ATF1: variants seen among roughly 807,000 people sequenced by gnomAD.
ATF1 encodes the protein activating transcription factor 1, also known as cyclic AMP-dependent transcription factor ATF-1.
In ATF1, 16 loss-of-function variants were observed where a neutral mutation model predicts 34.7. The observed-to-expected ratio is 0.46, with a 90% CI of 0.31 to 0.70. The LOEUF (loss-of-function observed/expected upper bound fraction) is 0.70, where lower values mean the gene tolerates loss of function less well. ATF1 is among the 30% of genes least tolerant of loss of function. The probability of loss-of-function intolerance (pLI) is 0.05; values close to 1 mark genes in which losing one functional copy is unlikely to be tolerated. For missense variants in ATF1, 255 were observed against 321.6 expected (o/e 0.79, Z 1.58); for synonymous variants, 105 against 113.1 (o/e 0.93, Z 0.46).
chr12:50,805,832 C>A (rs1211373354), intron 3 of ATF1, among the ~76,000 whole-genome samples: 1 of 151,944 alleles, frequency 6.6e-6, no homozygotes, highest in Non-Finnish European at 1.5e-5. Context: ...GACTTGGTGG[C>A]CAATTATTTG....
chr12:50,786,361 G>A (rs938622147), intron 2 of ATF1, among the ~76,000 whole-genome samples: 9 of 152,196 alleles, frequency 5.9e-5, no homozygotes, highest in African/African-American at 1.7e-4. Flanking sequence ...GCAGGGCTGC[G>A]TACTAGCAGG....
intron 3 of ATF1, among the ~76,000 whole-genome samples, chr12:50,800,791 G>A (rs1941496688): frequency 6.6e-6 from 1 of 152,178 alleles, no homozygotes; most frequent in African/African-American, 2.4e-5. Context: ...AAAGGGTTGG[G>A]AACTGCTGCT....
chr12:50,808,689 C>T (rs952457180), intron 3 of ATF1, among the ~76,000 whole-genome samples: 6 of 151,468 alleles, frequency 4.0e-5, no homozygotes, highest in African/African-American at 1.2e-4. Flanking sequence ...ATAATATATG[C>T]TAAATAAAAG....
intron 2 of ATF1, among the ~76,000 whole-genome samples, chr12:50,783,351 T>C (rs776553466): frequency 1.4e-4 from 22 of 152,180 alleles, no homozygotes; most frequent in Non-Finnish European, 1.2e-4. Context: ...AGCAGTGTCT[T>C]CTCCAGATGG....
chr12:50,788,207 G>A (rs1209941758), intron 2 of ATF1: 2 of 449,036 alleles, frequency 4.5e-6, no homozygotes, highest in South Asian at 3.1e-5. Flanking sequence ...TTTTGACATA[G>A]GGTCTCACTC....
Position 50,819,783 on chromosome 12 carries a change from C to T in ATF1, c.*4C>T, listed in dbSNP as rs748511158. ...TTATTCCAATAAAAGTGTTTGATTC[C>T]TAAGAAAGAAAATATTTTTGTGGAC... is the stretch of plus-strand genomic sequence containing the variant. On this transcript the variant is annotated 3_prime_UTR_variant, in exon 7 of 7. Transcript: ENST00000262053. 6.7e-7 allele frequency: 1 copy of T among 1,503,084 alleles called. No individual in the cohort carries two copies. The highest frequency in any genetic ancestry group is 1.8e-4 in the Middle Eastern group (1 of 5,684). 93.1% of individuals were successfully genotyped at this position (1,503,084 alleles called of 1,614,324 possible).
intron 6 of ATF1, among the ~76,000 whole-genome samples, chr12:50,817,605 C>T (rs552890751): frequency 3.9e-5 from 6 of 152,104 alleles, no homozygotes; most frequent in South Asian, 2.1e-4. Flanking sequence ...GAGGGAAGTA[C>T]GGAGTTTTAT....
At chr12:50,765,389 C>T (rs1940607821) in intron 1 of ATF1, among the ~76,000 whole-genome samples, 1 of 152,144 alleles carries the variant, frequency 6.6e-6, no homozygotes, top group Non-Finnish European at 1.5e-5. Flanking sequence ...TAATACTTGC[C>T]GTTATCTTTT....
intron 2 of ATF1, among the ~76,000 whole-genome samples, chr12:50,787,356 C>T (rs1440671894): frequency 2.0e-5 from 3 of 152,090 alleles, no homozygotes; most frequent in Admixed American, 1.3e-4. Context: ...TTAAAGGCTC[C>T]AGTGGGAAAG....
intron 3 of ATF1, among the ~76,000 whole-genome samples, chr12:50,805,673 GAAT>G (rs1260314010): frequency 6.6e-6 from 1 of 151,718 alleles, no homozygotes; most frequent in Non-Finnish European, 1.5e-5. Context: ...TTTCAAGCAT[GAAT>G]AATTAGTTCT....
rs1463450575 is a variant in ATF1 at position 50,802,762 on chromosome 12, C to T, written c.195-6694C>T. On this transcript the variant is annotated intron_variant, in intron 3 of 6. Transcript: ENST00000262053. The stretch of plus-strand genomic sequence containing the variant: ...TGGCCCGCACCTGTAGTCCCAGCTA[C>T]TCGGGAGGCTGAGGCAGAAGATTCA... 7.5e-5 allele frequency among the ~76,000 whole-genome samples: 11 copies of T among 146,598 alleles called. No homozygotes were observed. The East Asian group carries it at 2.2e-3, about 30-fold the overall frequency.
chr12:50,807,137 G>GT (rs1240339736), intron 3 of ATF1, among the ~76,000 whole-genome samples: 1 of 152,190 alleles, frequency 6.6e-6, no homozygotes, highest in Non-Finnish European at 1.5e-5. Flanking sequence ...ATTTCTTGCT[G>GT]TGACTCATGC....
chr12:50,812,429 T>C (rs1192230749), intron 4 of ATF1, among the ~76,000 whole-genome samples: 1 of 152,156 alleles, frequency 6.6e-6, no homozygotes, highest in East Asian at 1.9e-4. Flanking sequence ...TAATGGGACC[T>C]TTAATTTTAT....
chr12:50,813,868 C>G, intron 4 of ATF1, 142 bp from the exon 5 acceptor site: 3 of 729,924 alleles, frequency 4.1e-6, no homozygotes, highest in Non-Finnish European at 6.5e-6. Context: ...TGTAGTTCAC[C>G]TAAAGTAAAG....
intron 3 of ATF1, among the ~76,000 whole-genome samples, chr12:50,804,489 A>C (rs1455540552): frequency 1.3e-5 from 2 of 152,182 alleles, no homozygotes; most frequent in African/African-American, 2.4e-5. Flanking sequence ...GTTCAAGACC[A>C]GCCAGGGCAA....
chr12:50,798,500 G>A (rs1358991935), intron 3 of ATF1, among the ~76,000 whole-genome samples: 3 of 151,912 alleles, frequency 2.0e-5, no homozygotes, highest in African/African-American at 7.3e-5. Context: ...TAGTAGAGAC[G>A]GGGTTTCACT....
intron 2 of ATF1, among the ~76,000 whole-genome samples, chr12:50,786,748 C>T (rs1008269317): frequency 2.0e-5 from 3 of 152,110 alleles, no homozygotes; most frequent in African/African-American, 4.8e-5. Context: ...GGGAGAAAGC[C>T]CCAACCCCTG....
intron 2 of ATF1, among the ~76,000 whole-genome samples, chr12:50,787,608 G>A (rs1941211950): frequency 6.6e-6 from 1 of 151,972 alleles, no homozygotes; most frequent in Non-Finnish European, 1.5e-5. Context: ...AGGCATGGTG[G>A]TGCACACCCT....
chr12:50,811,043 C>G (rs1941725774), intron 4 of ATF1, among the ~76,000 whole-genome samples: 1 of 152,218 alleles, frequency 6.6e-6, no homozygotes, highest in African/African-American at 2.4e-5. Context: ...TGGTGGCATT[C>G]TGACCACCCC....
Sources: gnomAD v4.1 joint callset for allele counts (sites outside exome capture counted in the v4.1 genomes callset) on GRCh38, gnomAD v4.1.1 for gene constraint, MANE v1.5 for transcripts, NCBI Gene and HGNC (gene_info 2026-07-23, HGNC 2026-07-21) for gene names.